The following SLC16A1 variants were observed in gnomAD, a reference collection of about 807,000 sequenced individuals.
SLC16A1 encodes solute carrier family 16 member 1.
SLC16A1 carries 11 observed loss-of-function variants against 32.2 expected under a neutral mutation model. That is an observed-to-expected ratio of 0.34 (90% CI 0.21 to 0.56). The LOEUF (loss-of-function observed/expected upper bound fraction) is 0.56, where lower values mean the gene tolerates loss of function less well. Ranked by LOEUF, SLC16A1 falls within the 20% of genes least tolerant of loss-of-function variation. The pLI is 0.87. For synonymous variants in SLC16A1, 231 were observed against 226.8 expected (o/e 1.02, Z -0.17); for missense variants, 435 against 615.0 (o/e 0.71, Z 3.10).
At chr1:112,930,759 C>G (rs1387765202) in intron 1 of SLC16A1, among the ~76,000 whole-genome samples, 1 of 147,250 alleles carries the variant, frequency 6.8e-6, no homozygotes, top group African/African-American at 2.6e-5. Flanking sequence ...GAGTCTCACT[C>G]TGTCGCCCGG....
chr1:112,931,644 CAAAAA>C (rs561013159), intron 1 of SLC16A1, among the ~76,000 whole-genome samples: 7 of 62,024 alleles, frequency 1.1e-4, no homozygotes, highest in South Asian at 7.2e-4. Context: ...TACTCTGTCT[CAAAAA>C]AAAAAAAAAA....
chr1:112,924,934 C>T (rs1475147207), intron 2 of SLC16A1, among the ~76,000 whole-genome samples: 1 of 151,890 alleles, frequency 6.6e-6, no homozygotes, highest in African/African-American at 2.4e-5. Flanking sequence ...TGGTTCCATG[C>T]CTATATTATT....
chr1:112,949,893 C>T (rs1020131091), intron 1 of SLC16A1, among the ~76,000 whole-genome samples: 1 of 152,108 alleles, frequency 6.6e-6, no homozygotes. Context: ...TGTCAAAATA[C>T]TTTAATTGCA....
chr1:112,914,205 T>C, intron 4 of SLC16A1, 40 bp from the exon 5 acceptor site: 1 of 1,612,094 alleles, frequency 6.2e-7, no homozygotes, highest in South Asian at 1.1e-5. Flanking sequence ...TTTCTAAGAG[T>C]AAACAGTTTT....
intron 1 of SLC16A1, among the ~76,000 whole-genome samples, chr1:112,940,502 G>A (rs1649471607): frequency 1.3e-5 from 2 of 151,940 alleles, no homozygotes; most frequent in Admixed American, 6.6e-5. Flanking sequence ...GATACCTAAT[G>A]GTTTATTCAG....
chr1:112,927,434 C>T (rs1446151028), intron 2 of SLC16A1, among the ~76,000 whole-genome samples: 5 of 152,180 alleles, frequency 3.3e-5, no homozygotes, highest in South Asian at 2.1e-4. Context: ...TATCTCAAGA[C>T]GTATTAGTGT....
At chr1:112,918,143 T>C (rs1648587025) in intron 3 of SLC16A1, 99 bp from the exon 4 acceptor site, 2 of 931,672 alleles carry the variant, frequency 2.1e-6, no homozygotes, top group Non-Finnish European at 2.7e-6. Flanking sequence ...ATATAAATCC[T>C]CATTATTAGA....
In SLC16A1 at chr1:112,945,669, G is replaced by A. The variant is rs552668646; in HGVS notation, c.-45+10366C>T. Among the ~76,000 whole-genome samples, 247 of 139,990 alleles carry A rather than the reference G, an allele frequency of 1.8e-3. No individual in the cohort carries two copies. The Middle Eastern group carries it at 0.018, about 10-fold the overall frequency. 91.8% of individuals were successfully genotyped at this position (139,990 alleles called of 152,430 possible). A position where few individuals can be genotyped will look rare whatever the true frequency, so the allele number is the denominator to read the frequency against. On this transcript the variant is annotated intron_variant, in intron 1 of 4. Transcript: ENST00000369626. Reference sequence around the variant, plus strand: ...CAGCCTGGGCGATGGAGCAAGACTCGGCCTCAAAAAAAAAAAAGAAAAAAA... The same window carrying A: ...CAGCCTGGGCGATGGAGCAAGACTCAGCCTCAAAAAAAAAAAAGAAAAAAA...
chr1:112,931,001 G>A (rs1203791738), intron 1 of SLC16A1, among the ~76,000 whole-genome samples: 2 of 152,170 alleles, frequency 1.3e-5, no homozygotes, highest in Non-Finnish European at 2.9e-5. Context: ...TTACAGGCAT[G>A]AGCCACCACT....
At chr1:112,935,407 CA>C (rs536347192) in intron 1 of SLC16A1, among the ~76,000 whole-genome samples, 11 of 144,976 alleles carry the variant, frequency 7.6e-5, no homozygotes, top group South Asian at 6.6e-4. Context: ...GACTCCGCTT[CA>C]AAAAAAAAAG....
intron 1 of SLC16A1, among the ~76,000 whole-genome samples, chr1:112,929,756 AG>A (rs1649064834): frequency 6.6e-6 from 1 of 152,294 alleles, no homozygotes; most frequent in South Asian, 2.1e-4. Context: ...CTGAGGTGAG[AG>A]GATCACTTGA....
At chr1:112,948,045 C>A (rs1649760850) in intron 1 of SLC16A1, among the ~76,000 whole-genome samples, 1 of 152,050 alleles carries the variant, frequency 6.6e-6, no homozygotes, top group African/African-American at 2.4e-5. Context: ...ATGGTGAAAC[C>A]CCATCTCTAC....
chr1:112,917,794 C>T lies in SLC16A1; in HGVS notation c.612G>A (p.Lys204=), dbSNP rs763951746. The change falls in exon 4 of 5, where the codon AAG becomes AAA. Residue 204 remains lysine (K), a synonymous_variant. Coordinates refer to ENST00000369626, the MANE Select transcript of SLC16A1 (RefSeq NM_003051.4). The surrounding 1 kb of genome is among the most constrained non-coding windows in gnomAD (Gnocchi z 4.1). ...LMRPIGPKPT[K]AGKDKSKASL... Reference sequence around the variant, plus strand: ...ATGCTTTAGACTTATCTTTCCCTGCCTTGGTTGGCTTGGGCCCGATTGGTC... The same window carrying T: ...ATGCTTTAGACTTATCTTTCCCTGCTTTGGTTGGCTTGGGCCCGATTGGTC... 2 of 1,614,020 alleles carry T rather than the reference C, an allele frequency of 1.2e-6. No individual in the cohort carries two copies. The highest frequency in any genetic ancestry group is 1.3e-5 in the African/African-American group (1 of 74,878).
chr1:112,955,124 T>C (rs1008593050), intron 1 of SLC16A1, among the ~76,000 whole-genome samples: 48 of 152,280 alleles, frequency 3.2e-4, no homozygotes, highest in African/African-American at 8.9e-4. Flanking sequence ...AATCAGCCAC[T>C]GGAAACCCAA....
At chr1:112,938,894 C>CT (rs1403554964) in intron 1 of SLC16A1, among the ~76,000 whole-genome samples, 30 of 147,176 alleles carry the variant, frequency 2.0e-4, no homozygotes, top group Middle Eastern at 3.4e-3. Context: ...TTTTTTTTAC[C>CT]TTTTTTTCTT....
chr1:112,937,701 T>C (rs892877293), intron 1 of SLC16A1, among the ~76,000 whole-genome samples: 4 of 152,202 alleles, frequency 2.6e-5, no homozygotes, highest in African/African-American at 9.6e-5. Flanking sequence ...GCATTCTTTG[T>C]ATGCTAAAGC....
chr1:112,921,825 A>G (rs575367358), intron 3 of SLC16A1, among the ~76,000 whole-genome samples, 165 bp downstream of exon 3: 1 of 152,344 alleles, frequency 6.6e-6, no homozygotes, highest in South Asian at 2.1e-4. Flanking sequence ...CAATTTCTTT[A>G]AAAGTTTGCT....
chr1:112,947,414 C>T (rs948918549), intron 1 of SLC16A1, among the ~76,000 whole-genome samples: 1 of 152,142 alleles, frequency 6.6e-6, no homozygotes, highest in Non-Finnish European at 1.5e-5. Flanking sequence ...TTCACTTCCA[C>T]TATCAGATGC....
At chr1:112,951,019 T>C (rs1222718273) in intron 1 of SLC16A1, among the ~76,000 whole-genome samples, 2 of 151,574 alleles carry the variant, frequency 1.3e-5, no homozygotes, top group Non-Finnish European at 2.9e-5. Flanking sequence ...TTTATAGATT[T>C]ATAAAATTAT....
Sources: gnomAD v4.1 joint callset for allele counts (sites outside exome capture counted in the v4.1 genomes callset) on GRCh38, gnomAD v4.1.1 for gene constraint, Gnocchi (gnomAD v3.1) non-coding constraint, MANE v1.5 for transcripts, NCBI Gene and HGNC (gene_info 2026-07-23, HGNC 2026-07-21) for gene names.